The following PRMT2 variants were observed in gnomAD, a reference collection of about 807,000 sequenced individuals.
PRMT2 encodes the protein protein arginine methyltransferase 2.
PRMT2 carries 26 observed loss-of-function variants against 57.6 expected under a neutral mutation model. The observed-to-expected ratio is 0.45, with a 90% confidence interval of 0.33 to 0.63. The LOEUF is 0.63. PRMT2 is among the 20% of genes least tolerant of loss of function. PRMT2 has a pLI of 0.02. For synonymous variants in PRMT2, 219 were observed against 220.0 expected (o/e 1.00, Z 0.04); for missense variants, 472 against 564.4 (o/e 0.84, Z 1.66).
rs747302218 is a variant in PRMT2, at chr21:46,651,800, C to T, written c.654+2061C>T. The T allele has an allele frequency of 2.5e-6, 4 of 1,612,734 alleles. No individual in the cohort carries two copies. In the African/African-American group the frequency reaches 4.0e-5, roughly 16 times the overall value. Reference sequence around the variant, plus strand: ...GGTTGTACCCACCTTCACTTTCCGTCCCCAGGCTGCGCCTCTCCTGAGCTG... The same window carrying T: ...GGTTGTACCCACCTTCACTTTCCGTTCCCAGGCTGCGCCTCTCCTGAGCTG... On this transcript the variant is annotated intron_variant, in intron 7 of 11. Transcript: ENST00000355680.
In PRMT2 at chr21:46,661,938, T is replaced by C. The variant is rs2061631369; in HGVS notation, c.1097+2T>C. The C allele has an allele frequency of 1.6e-6, 2 of 1,281,432 alleles. No individual in the cohort carries two copies. Among genetic ancestry groups the C allele is most frequent in the Non-Finnish European group, 2.0e-6 (2 of 1,001,320 alleles). 79.4% of individuals were successfully genotyped at this position (1,281,432 alleles called of 1,614,324 possible). ...GCTCAGCACCGGGCCCTTCCACCCG[T>C]GAGTGTGCGGGGCGCGGGCACGGGG... On this transcript the variant is annotated splice_donor_variant, in intron 10 of 11. Transcript: ENST00000355680. LOFTEE classifies it high-confidence loss of function.
intron 7 of PRMT2, among the ~76,000 whole-genome samples, chr21:46,651,637 A>C (rs1241265667): frequency 6.6e-6 from 1 of 152,042 alleles, no homozygotes; most frequent in African/African-American, 2.4e-5. Context: ...CTGAGGGACC[A>C]CCACCATCAT....
chr21:46,649,707 C>T lies in PRMT2; in HGVS notation c.622C>T (p.Leu208=), dbSNP rs1315208162. The change falls in exon 7 of 12, where the codon CTG becomes TTG. Residue 208 remains leucine (L), a synonymous_variant. Coordinates refer to ENST00000355680, the MANE Select transcript of PRMT2 (RefSeq NM_206962.4). This position sits in a 1 kb window ranked among gnomAD's most constrained non-coding sequence, Gnocchi z 4.8. ...GGTGCTGCCCGAGAAGGTGGACGTGCTGGTGTCTGAGTGGATGGGGACCTG... is the reference window on the plus strand; with the variant it reads ...GGTGCTGCCCGAGAAGGTGGACGTGTTGGTGTCTGAGTGGATGGGGACCTG... The part of the protein sequence containing the change: ...DVVLPEKVDV[L]VSEWMGTCLL... 7 of 1,613,786 alleles carry T rather than the reference C, an allele frequency of 4.3e-6. No individual in the cohort carries two copies. The highest frequency in any genetic ancestry group is 5.9e-6 in the Non-Finnish European group (7 of 1,179,936).
chr21:46,652,885 G>A lies in PRMT2; in HGVS notation c.654+3146G>A, dbSNP rs1019288552. 18 of 1,302,650 alleles carry A rather than the reference G, an allele frequency of 1.4e-5. No homozygotes were observed. In the African/African-American group the frequency reaches 1.7e-4, roughly 12 times the overall value. 80.7% of individuals were successfully genotyped at this position (1,302,650 alleles called of 1,614,324 possible). On this transcript the variant is annotated intron_variant, in intron 7 of 11. Coordinates refer to ENST00000355680, the MANE Select transcript of PRMT2 (RefSeq NM_206962.4). ...GCTTGTTCTCCTGAGGCCACGCCAC[G>A]ATTTCCGAGAAGCAGGTTGCACACT...
Position 46,635,712 on chromosome 21 carries a change from C to T in PRMT2, c.-217C>T, listed in dbSNP as rs1333982167. ...CAGGCTCCTGGAAAGGACCGTCCAC[C>T]CCTCCGCGCTGGCGGTGTGGACGCG... On this transcript the variant is annotated 5_prime_UTR_variant, in exon 1 of 12. Transcript: ENST00000355680. 6.6e-6 allele frequency: 1 copy of T among 152,420 alleles called. No homozygotes were observed. The highest frequency in any genetic ancestry group is 1.5e-5 in the Non-Finnish European group (1 of 68,172). The allele number at this position is 152,420 out of a possible 1,614,324, so 9.4% of individuals were successfully genotyped here. A position where few individuals can be genotyped will look rare whatever the true frequency, so the allele number is the denominator to read the frequency against.
At chr21:46,657,358 T>C (rs886568707) in intron 7 of PRMT2, 20 of 143,578 alleles carry the variant, frequency 1.4e-4, no homozygotes, top group African/African-American at 5.0e-4. Flanking sequence ...ATGATTATAC[T>C]AGCTCTCTTT....
chr21:46,647,863 G>A (rs948427824), intron 5 of PRMT2, among the ~76,000 whole-genome samples: 2 of 152,178 alleles, frequency 1.3e-5, no homozygotes, highest in East Asian at 3.9e-4. Flanking sequence ...GGGGTCTGCT[G>A]TAGAATTCCT....
At position 46,663,886 on chromosome 21, in the gene PRMT2, C is replaced by T. The variant is rs191095060; in HGVS notation, c.1269+332C>T. 9.9e-5 allele frequency among the ~76,000 whole-genome samples: 15 copies of T among 152,242 alleles called. 1 individual carries two copies. In the East Asian group the frequency reaches 2.7e-3, roughly 27 times the overall value. ...AGATGGACAGAAGCCTGAGCTGTGC[C>T]TTGGCGCTCCCTTTACACAGGCCTC... On this transcript the variant is annotated intron_variant, in intron 11 of 11. Transcript: ENST00000355680.
chr21:46,659,188 C>G, intron 8 of PRMT2: 1 of 1,184,880 alleles, frequency 8.4e-7, no homozygotes, highest in Non-Finnish European at 1.0e-6. Flanking sequence ...GGAGTGAGGG[C>G]CAAGTCAGCA....
At chr21:46,644,760 A>G (rs1313398434) in intron 5 of PRMT2, among the ~76,000 whole-genome samples, 1 of 152,158 alleles carries the variant, frequency 6.6e-6, no homozygotes, top group African/African-American at 2.4e-5. Context: ...CTTTTGATTT[A>G]AAAAAATCAT....
chr21:46,651,997 C>T (rs2061466100), intron 7 of PRMT2: 1 of 1,613,290 alleles, frequency 6.2e-7, no homozygotes, highest in Non-Finnish European at 8.5e-7. Flanking sequence ...GGCCCATCTT[C>T]CTACTCTGAC....
In PRMT2 at chr21:46,649,931, C is replaced by T; in HGVS notation, c.654+192C>T. ...GAATTTTCACCTGATTTAAAAAATG[C>T]CTTTATGAGAAATTTAAGTCAAAGT... On this transcript the variant is annotated intron_variant, in intron 7 of 11. Transcript: ENST00000355680. The surrounding 1 kb of genome is among the most constrained non-coding windows in gnomAD (Gnocchi z 4.8). 2 of 1,448,890 alleles carry T rather than the reference C, an allele frequency of 1.4e-6. No individual in the cohort carries two copies. The highest frequency in any genetic ancestry group is 9.1e-7 in the Non-Finnish European group (1 of 1,097,968). 89.8% of individuals were successfully genotyped at this position (1,448,890 alleles called of 1,614,324 possible). A position where few individuals can be genotyped will look rare whatever the true frequency, so the allele number is the denominator to read the frequency against.
rs970833491 is a variant in PRMT2 at position 46,660,813 on chromosome 21, G to C, written c.831-20G>C. The C allele has an allele frequency of 4.3e-6, 7 of 1,612,534 alleles. No homozygotes were observed. The highest frequency in any genetic ancestry group is 1.7e-5 in the Admixed American group (1 of 59,620). On this transcript the variant is annotated intron_variant, in intron 8 of 11. Transcript: ENST00000355680. Reference sequence around the variant, plus strand: ...ATGTTTGCAATGACTCTCAACAGTCGCTTTGACCTTTTCCCCTAGATCTTT... The same window carrying C: ...ATGTTTGCAATGACTCTCAACAGTCCCTTTGACCTTTTCCCCTAGATCTTT...
intron 3 of PRMT2, among the ~76,000 whole-genome samples, chr21:46,638,073 T>G (rs116125345): frequency 6.6e-6 from 1 of 152,362 alleles, no homozygotes; most frequent in African/African-American, 2.4e-5. Context: ...TGAGTCTGTT[T>G]TGTGCCACTG....
chr21:46,644,688 T>TA (rs1387071763), intron 5 of PRMT2, among the ~76,000 whole-genome samples, 200 bp downstream of exon 5: 2 of 152,198 alleles, frequency 1.3e-5, no homozygotes, highest in African/African-American at 4.8e-5. Context: ...AATAAAACTT[T>TA]ATTTATGGAT....
chr21:46,654,927 A>G lies in PRMT2; in HGVS notation c.655-3818A>G, dbSNP rs536860215. On this transcript the variant is annotated intron_variant, in intron 7 of 11. Transcript: ENST00000355680. ...TTCTTCTCCCTCTATGTATGTACAT[A>G]GAGTGTACATACATAGAGTGAGAAG... 4 of 983,526 alleles carry G rather than the reference A, an allele frequency of 4.1e-6. No individual in the cohort carries two copies. In the African/African-American group the frequency reaches 7.0e-5, roughly 17 times the overall value. 60.9% of individuals were successfully genotyped at this position (983,526 alleles called of 1,614,324 possible). A position where few individuals can be genotyped will look rare whatever the true frequency, so the allele number is the denominator to read the frequency against.
chr21:46,653,243 T>C (rs944362283), intron 7 of PRMT2: 105 of 985,302 alleles, frequency 1.1e-4, no homozygotes, highest in Non-Finnish European at 1.2e-4. Flanking sequence ...TTGTACTGTT[T>C]TATTGACTGT....
At chr21:46,640,375 CTTTATG>C (rs1055774245) in intron 3 of PRMT2, among the ~76,000 whole-genome samples, 14 of 150,792 alleles carry the variant, frequency 9.3e-5, no homozygotes, top group African/African-American at 2.7e-4. Context: ...AACCTGACAA[CTTTATG>C]TTTATATTTA....
intron 7 of PRMT2, chr21:46,651,744 G>A: frequency 6.4e-7 from 1 of 1,571,942 alleles, no homozygotes; most frequent in East Asian, 2.2e-5. Context: ...ATTTGAGGGA[G>A]GGAGGGTATG....
Sources: allele counts gnomAD v4.1 joint callset (sites outside exome capture counted in the v4.1 genomes callset), GRCh38; gene constraint gnomAD v4.1.1; non-coding constraint Gnocchi (gnomAD v3.1); transcripts MANE v1.5; gene names NCBI Gene and HGNC (gene_info 2026-07-23, HGNC 2026-07-21).